The following PCSK1 variants were observed in gnomAD, a reference collection of about 807,000 sequenced individuals.
The protein encoded by PCSK1 is neuroendocrine convertase 1.
In PCSK1, 56 loss-of-function variants were observed where a neutral mutation model predicts 90.6. The ratio of observed to expected loss-of-function variants is 0.62; its 90% CI spans 0.50 to 0.77. The LOEUF is 0.77. PCSK1 is among the 30% of genes least tolerant of loss of function. The pLI, the probability that PCSK1 is intolerant of heterozygous loss-of-function variation, is 0.00. For synonymous variants in PCSK1, 348 were observed against 342.4 expected (o/e 1.02, Z -0.18); for missense variants, 801 against 932.6 (o/e 0.86, Z 1.84).
chr5:96,410,743 A>T, intron 8 of PCSK1, 31 bp downstream of exon 8: 3 of 1,537,398 alleles, frequency 2.0e-6, no homozygotes, highest in Non-Finnish European at 2.7e-6. Context: ...TCTCCTAACT[A>T]AGCAGAGAGA....
intron 5 of PCSK1, among the ~76,000 whole-genome samples, chr5:96,417,656 G>A (rs2112431667): frequency 6.6e-6 from 1 of 152,212 alleles, no homozygotes; most frequent in Non-Finnish European, 1.5e-5. Context: ...TATTGTTTGA[G>A]CTCTTGGATC....
In PCSK1 at chr5:96,410,848, G is replaced by A; in HGVS notation, c.1021C>T (p.Pro341Ser). ...GAGGAGCACTTCTCAGCGTACCAGG[G>A]GGATAGGCCTTGCTGGGAGGCACTG... ...ISSASQQGLS[P>S]WYAEKCSSTL... Residue 341 changes from proline to serine, a missense_variant, in exon 8 of 14, where the codon CCC becomes TCC. Coordinates refer to ENST00000311106, the MANE Select transcript of PCSK1 (RefSeq NM_000439.5). The A allele has an allele frequency of 6.2e-7, 1 of 1,614,058 alleles. No homozygotes were observed. Among genetic ancestry groups the A allele is most frequent in the Non-Finnish European group, 8.5e-7 (1 of 1,179,964 alleles).
intron 2 of PCSK1, among the ~76,000 whole-genome samples, chr5:96,426,483 T>C (rs1761311603): frequency 6.6e-6 from 1 of 152,174 alleles, no homozygotes; most frequent in Non-Finnish European, 1.5e-5. Context: ...GTATTTAATA[T>C]GAGACACAGA....
chr5:96,396,206 G>A (rs1332835657), intron 12 of PCSK1, among the ~76,000 whole-genome samples: 1 of 152,072 alleles, frequency 6.6e-6, no homozygotes, highest in African/African-American at 2.4e-5. Context: ...TGTAACAAAC[G>A]ACTATAGAAT....
intron 9 of PCSK1, 40 bp downstream of exon 9, chr5:96,408,183 C>A (rs2112414918): frequency 7.2e-7 from 1 of 1,385,578 alleles, no homozygotes; most frequent in Non-Finnish European, 1.0e-6. Flanking sequence ...TAAGGAGAAT[C>A]AGCCTTTGTA....
In PCSK1 at chr5:96,412,228, G is replaced by C. The variant is rs867857745; in HGVS notation, c.882+90C>G. On this transcript the variant is annotated intron_variant, in intron 7 of 13. Transcript: ENST00000311106. ...ACTTTGTTAAGAAATCCACAACAAT[G>C]TTATTCCATGTAACCTAAGTGTTCT... 12 of 1,099,720 alleles carry C rather than the reference G, an allele frequency of 1.1e-5. No individual in the cohort carries two copies. The Middle Eastern group carries it at 1.8e-3, about 163-fold the overall frequency. 68.1% of individuals were successfully genotyped at this position (1,099,720 alleles called of 1,614,324 possible).
rs1471853919 is a variant in PCSK1 at position 96,433,163 on chromosome 5, T to G, written c.-121A>C. 2.1e-6 allele frequency: 2 copies of G among 959,184 alleles called. No homozygotes were observed. Among genetic ancestry groups the G allele is most frequent in the East Asian group, 2.5e-5 (1 of 40,622 alleles). 59.4% of individuals were successfully genotyped at this position (959,184 alleles called of 1,614,324 possible). A position where few individuals can be genotyped will look rare whatever the true frequency, so the allele number is the denominator to read the frequency against. On this transcript the variant is annotated 5_prime_UTR_variant, in exon 1 of 14. Coordinates refer to ENST00000311106, the MANE Select transcript of PCSK1 (RefSeq NM_000439.5). Reference sequence around the variant, plus strand: ...GCTCTAGACCACTCCTGGCTCCTGGTTGCTCTGCGAAGAGCTAGGAGGCGC... The same window carrying G: ...GCTCTAGACCACTCCTGGCTCCTGGGTGCTCTGCGAAGAGCTAGGAGGCGC...
intron 13 of PCSK1, among the ~76,000 whole-genome samples, chr5:96,394,512 GAC>G (rs1417177696): frequency 6.6e-6 from 1 of 152,168 alleles, no homozygotes; most frequent in Non-Finnish European, 1.5e-5. Context: ...AGGTTAATGA[GAC>G]AATGTGGAAA....
intron 9 of PCSK1, among the ~76,000 whole-genome samples, chr5:96,401,590 T>C (rs532793934): frequency 4.9e-4 from 74 of 152,354 alleles, no homozygotes; most frequent in South Asian, 8.3e-4. Context: ...GGATCTATTA[T>C]ACTATGATGA....
rs1759991844 is a variant in PCSK1 at position 96,392,841 on chromosome 5, C to T, written c.*160G>A. The T allele has an allele frequency of 2.8e-6, 2 of 724,434 alleles. No individual in the cohort carries two copies. Among genetic ancestry groups the T allele is most frequent in the Non-Finnish European group, 4.8e-6 (2 of 418,640 alleles). The allele number at this position is 724,434 out of a possible 1,614,324, so 44.9% of individuals were successfully genotyped here. A position where few individuals can be genotyped will look rare whatever the true frequency, so the allele number is the denominator to read the frequency against. On this transcript the variant is annotated 3_prime_UTR_variant, in exon 14 of 14. Transcript: ENST00000311106. ...GGAAGTTGAACTTCCTGCTTGAGCT[C>T]ATCCCCTTCACATGTACAGTTTAGG...
In PCSK1 at chr5:96,397,308, G is replaced by C. The variant is rs750757188; in HGVS notation, c.1722+28C>G. 2.0e-5 allele frequency: 32 copies of C among 1,604,486 alleles called. No homozygotes were observed. In the South Asian group the frequency reaches 3.5e-4, roughly 18 times the overall value. On this transcript the variant is annotated intron_variant, in intron 12 of 13. Transcript: ENST00000311106. ...TCAAAATGTTTAAAAGTAAGCTTGT[G>C]TTTTTTCATCCTCTCATTCACACTT...
At chr5:96,432,376 C>T (rs1761534791) in intron 1 of PCSK1, among the ~76,000 whole-genome samples, 1 of 152,216 alleles carries the variant, frequency 6.6e-6, no homozygotes, top group Non-Finnish European at 1.5e-5. Context: ...CCAGGGCGGA[C>T]AGCCCCAAGC....
At chr5:96,426,880 T>G (rs1219266342) in intron 2 of PCSK1, among the ~76,000 whole-genome samples, 1 of 152,160 alleles carries the variant, frequency 6.6e-6, no homozygotes, top group Admixed American at 6.5e-5. Context: ...AATTTTCAAT[T>G]AAAAATATAC....
At chr5:96,394,816 T>C in intron 13 of PCSK1, 48 bp downstream of exon 13, 1 of 1,581,998 alleles carries the variant, frequency 6.3e-7, no homozygotes, top group Non-Finnish European at 8.7e-7. Context: ...GACTACATTG[T>C]CTACCCCAGT....
intron 6 of PCSK1, chr5:96,413,082 G>A (rs1371422771): frequency 1.8e-5 from 7 of 383,102 alleles, no homozygotes; most frequent in African/African-American, 2.2e-5. Flanking sequence ...AATAGGGAAA[G>A]CACTTTTGTT....
intron 13 of PCSK1, among the ~76,000 whole-genome samples, chr5:96,394,495 G>A (rs1004459961): frequency 4.6e-5 from 7 of 152,086 alleles, no homozygotes; most frequent in Admixed American, 3.9e-4. Context: ...TAGGTTATAG[G>A]GATTATAGGT....
chr5:96,433,206 G>A lies in PCSK1; in HGVS notation c.-164C>T. ...GGAGGCGCGAGAGGAGAGGCTGGGC[G>A]GCGGCGAGCGCTCAGTGAAGCGCTT... is the stretch of plus-strand genomic sequence containing the variant. On this transcript the variant is annotated 5_prime_UTR_variant, in exon 1 of 14. Transcript: ENST00000311106. 4.3e-6 allele frequency: 3 copies of A among 690,694 alleles called. 1 individual carries two copies. The highest frequency in any genetic ancestry group is 5.4e-5 in the East Asian group (2 of 36,740). 42.8% of individuals were successfully genotyped at this position (690,694 alleles called of 1,614,324 possible). A position where few individuals can be genotyped will look rare whatever the true frequency, so the allele number is the denominator to read the frequency against.
chr5:96,394,740 T>A (rs532611918), intron 13 of PCSK1, 124 bp downstream of exon 13: 6 of 833,218 alleles, frequency 7.2e-6, no homozygotes, highest in Admixed American at 3.5e-5. Flanking sequence ...TTTACCACTA[T>A]CACTTCTTAT....
intron 6 of PCSK1, among the ~76,000 whole-genome samples, chr5:96,415,093 A>C (rs976067262): frequency 1.3e-5 from 2 of 152,216 alleles, no homozygotes; most frequent in Non-Finnish European, 2.9e-5. Context: ...CATAACATGA[A>C]AGCCTGAGGT....
Sources: gnomAD v4.1 joint callset for allele counts (sites outside exome capture counted in the v4.1 genomes callset) on GRCh38, gnomAD v4.1.1 for gene constraint, MANE v1.5 for transcripts, NCBI Gene and HGNC (gene_info 2026-07-23, HGNC 2026-07-21) for gene names.